The following CACNA2D1 variants were observed in gnomAD, a reference collection of about 807,000 sequenced individuals.
CACNA2D1 encodes the protein calcium voltage-gated channel auxiliary subunit alpha2delta 1.
Under a neutral mutation model 171.5 loss-of-function variants are expected in CACNA2D1, and 53 were observed. That is an observed-to-expected ratio of 0.31 (90% CI 0.25 to 0.39). CACNA2D1 has a LOEUF of 0.39. CACNA2D1 is among the 10% of genes least tolerant of loss of function. CACNA2D1 has a pLI of 1.00. For synonymous variants in CACNA2D1, 442 were observed against 443.1 expected (o/e 1.00, Z 0.03); for missense variants, 903 against 1,299.8 (o/e 0.69, Z 4.69).
rs1181991934 is a variant in CACNA2D1, at chr7:82,177,068, A to ATTTTT, written c.295-6464_295-6460dup. ...TGACAAGATTTAGCTACAGGTCTCT[A>ATTTTT]TTTTTTTTTTTTTTTTTTTGGCGGG... On this transcript the variant is annotated intron_variant, in intron 3 of 38. Transcript: ENST00000356860. Among the ~76,000 whole-genome samples, 7 of 55,220 alleles carry ATTTTT rather than the reference A, an allele frequency of 1.3e-4. 2 individuals are homozygous for ATTTTT. Among genetic ancestry groups the ATTTTT allele is most frequent in the Admixed American group, 6.9e-4 (2 of 2,894 alleles). 36.2% of individuals were successfully genotyped at this position (55,220 alleles called of 152,430 possible). A position where few individuals can be genotyped will look rare whatever the true frequency, so the allele number is the denominator to read the frequency against.
chr7:82,141,997 G>A (rs1048096887), intron 4 of CACNA2D1, among the ~76,000 whole-genome samples: 3 of 152,088 alleles, frequency 2.0e-5, no homozygotes, highest in Non-Finnish European at 4.4e-5. Flanking sequence ...CAGCCTAAAT[G>A]TCTTTATGCA....
Position 82,393,099 on chromosome 7 carries a change from C to A in CACNA2D1, c.96-43450G>T, listed in dbSNP as rs1322335471. Among the ~76,000 whole-genome samples, 181 of 90,352 alleles carry A rather than the reference C, an allele frequency of 2.0e-3. 2 individuals are homozygous for A. The highest frequency in any genetic ancestry group is 6.6e-3 in the Admixed American group (39 of 5,940). 59.3% of individuals were successfully genotyped at this position (90,352 alleles called of 152,430 possible). ...GAAGGAAGGAAGGCAGGCAGGCAGG[C>A]AGGCAGGCAGGCAGGGAGGGAGGGA... On this transcript the variant is annotated intron_variant, in intron 1 of 38. Transcript: ENST00000356860.
chr7:82,428,794 G>T (rs1829423176), intron 1 of CACNA2D1, among the ~76,000 whole-genome samples: 1 of 152,116 alleles, frequency 6.6e-6, no homozygotes, highest in East Asian at 1.9e-4. Context: ...GATCACACAG[G>T]CTATACCAGA....
intron 24 of CACNA2D1, among the ~76,000 whole-genome samples, chr7:81,978,759 A>G (rs201122116): frequency 0.017 from 1,180 of 69,268 alleles, 20 homozygotes; most frequent in African/African-American, 0.06. Context: ...AAGTGTATAT[A>G]TATATATATA....
chr7:82,058,732 C>T (rs569236728), intron 10 of CACNA2D1, among the ~76,000 whole-genome samples: 10 of 152,264 alleles, frequency 6.6e-5, no homozygotes, highest in Non-Finnish European at 1.2e-4. Flanking sequence ...AGGCCTCACA[C>T]GGAGGAGGGC....
chr7:82,214,219 G>A (rs1235466089), intron 3 of CACNA2D1, among the ~76,000 whole-genome samples: 1 of 152,052 alleles, frequency 6.6e-6, no homozygotes, highest in Non-Finnish European at 1.5e-5. Flanking sequence ...TTGCAACACT[G>A]GAAAAATTCC....
At chr7:82,088,025 C>T (rs544330062) in intron 6 of CACNA2D1, among the ~76,000 whole-genome samples, 3 of 152,262 alleles carry the variant, frequency 2.0e-5, no homozygotes, top group African/African-American at 7.2e-5. Context: ...CCCTTAGCCC[C>T]TATCTCTGTT....
chr7:82,136,115 T>C (rs1047495828), intron 5 of CACNA2D1, among the ~76,000 whole-genome samples: 1 of 152,220 alleles, frequency 6.6e-6, no homozygotes, highest in Non-Finnish European at 1.5e-5. Flanking sequence ...TTTAAATGTG[T>C]ACATTAGAGT....
chr7:82,223,176 G>C (rs1175588484), intron 3 of CACNA2D1, among the ~76,000 whole-genome samples: 3 of 151,984 alleles, frequency 2.0e-5, no homozygotes, highest in African/African-American at 7.2e-5. Flanking sequence ...AAAGTGCTGG[G>C]ATTATAGGCC....
chr7:82,114,760 G>GAAAAAA (rs34240770), intron 6 of CACNA2D1, among the ~76,000 whole-genome samples: 30 of 102,934 alleles, frequency 2.9e-4, no homozygotes, highest in Admixed American at 4.3e-4. Flanking sequence ...CGTCCCAGAA[G>GAAAAAA]AAAAAAAAAA....
chr7:82,388,053 C>A (rs1450891087), intron 1 of CACNA2D1, among the ~76,000 whole-genome samples: 1 of 149,616 alleles, frequency 6.7e-6, no homozygotes, highest in African/African-American at 2.5e-5. Flanking sequence ...CAAAGTGAGA[C>A]CCTGTCTCCA....
chr7:81,970,636 T>G, intron 27 of CACNA2D1, 39 bp downstream of exon 27: 1 of 1,095,748 alleles, frequency 9.1e-7, no homozygotes, highest in Non-Finnish European at 1.4e-6. Flanking sequence ...CGCAGTCTTT[T>G]GTAATGTACT....
chr7:82,081,729 G>A (rs1809797424), intron 7 of CACNA2D1, among the ~76,000 whole-genome samples: 1 of 152,162 alleles, frequency 6.6e-6, no homozygotes, highest in Non-Finnish European at 1.5e-5. Context: ...CCCTGCCCAG[G>A]CCTTGCTTGG....
At chr7:81,952,050 T>C (rs541971189) in intron 38 of CACNA2D1, among the ~76,000 whole-genome samples, 5 of 146,728 alleles carry the variant, frequency 3.4e-5, no homozygotes, top group South Asian at 2.2e-4. Context: ...TGGTATCACA[T>C]TGTGGTTTTA....
At chr7:82,147,576 A>G (rs1183121885) in intron 4 of CACNA2D1, among the ~76,000 whole-genome samples, 1 of 152,102 alleles carries the variant, frequency 6.6e-6, no homozygotes, top group East Asian at 1.9e-4. Flanking sequence ...GTTTCTTCCT[A>G]TTGACTCAGA....
chr7:82,234,797 T>A (rs1435582132), intron 3 of CACNA2D1, among the ~76,000 whole-genome samples: 5 of 152,184 alleles, frequency 3.3e-5, no homozygotes, highest in Non-Finnish European at 7.4e-5. Context: ...ATGAAACACA[T>A]GGGTTTTCCC....
chr7:81,952,886 G>GGCAAGGC (rs1792772730), intron 38 of CACNA2D1, among the ~76,000 whole-genome samples: 1 of 151,950 alleles, frequency 6.6e-6, no homozygotes, highest in African/African-American at 2.4e-5. Flanking sequence ...GTCTCATAGG[G>GGCAAGGC]ATTTCAAACT....
Position 81,947,566 on chromosome 7 carries a change from A to G in CACNA2D1, c.*2826T>C, listed in dbSNP as rs1792137107. 6.6e-6 allele frequency: 1 copy of G among 151,990 alleles called. No individual in the cohort carries two copies. The highest frequency in any genetic ancestry group is 2.1e-4 in the South Asian group (1 of 4,834). The allele number at this position is 151,990 out of a possible 1,614,324, so 9.4% of individuals were successfully genotyped here. On this transcript the variant is annotated 3_prime_UTR_variant, in exon 39 of 39. Coordinates refer to ENST00000356860, the MANE Select transcript of CACNA2D1 (RefSeq NM_000722.4). ...ATGCAAAATTCTTTCTTGTTACTCA[A>G]CACCATTGCCAAGCTCACTTGAACT... is the stretch of plus-strand genomic sequence containing the variant.
chr7:82,346,688 T>C (rs1819300145), intron 2 of CACNA2D1, among the ~76,000 whole-genome samples: 2 of 152,118 alleles, frequency 1.3e-5, no homozygotes, highest in African/African-American at 4.8e-5. Flanking sequence ...TTACACTCTT[T>C]TCTTTTTGAA....
Sources: gnomAD v4.1 joint callset for allele counts (sites outside exome capture counted in the v4.1 genomes callset) on GRCh38, gnomAD v4.1.1 for gene constraint, MANE v1.5 for transcripts, NCBI Gene and HGNC (gene_info 2026-07-23, HGNC 2026-07-21) for gene names.